The following CCDC85C variants were observed in gnomAD, a reference collection of about 807,000 sequenced individuals.
CCDC85C encodes coiled-coil domain-containing protein 85C.
A neutral mutation model predicts 38.3 loss-of-function variants in CCDC85C; 18 were observed. The ratio of observed to expected loss-of-function variants is 0.47; its 90% confidence interval spans 0.33 to 0.70. The LOEUF (loss-of-function observed/expected upper bound fraction) is 0.70. Ranked by LOEUF, CCDC85C falls within the 30% of genes least tolerant of loss-of-function variation. The probability of loss-of-function intolerance (pLI) is 0.03; values close to 1 mark genes in which losing one functional copy is unlikely to be tolerated. For missense variants in CCDC85C, 566 were observed against 621.2 expected (o/e 0.91, Z 0.94); for synonymous variants, 264 against 293.8 (o/e 0.90, Z 1.04).
chr14:99,565,080 G>A (rs939074653), intron 1 of CCDC85C, among the ~76,000 whole-genome samples: 5 of 152,222 alleles, frequency 3.3e-5, no homozygotes, highest in African/African-American at 1.2e-4. Context: ...TTGGCTTTTA[G>A]TCATGGGCCG....
At chr14:99,582,150 C>T (rs2054978823) in intron 1 of CCDC85C, among the ~76,000 whole-genome samples, 1 of 152,126 alleles carries the variant, frequency 6.6e-6, no homozygotes, top group South Asian at 2.1e-4. Flanking sequence ...TGTGTGTTTC[C>T]AAGGCTGTCC....
chr14:99,585,171 A>G (rs1387563558), intron 1 of CCDC85C, among the ~76,000 whole-genome samples: 1 of 152,220 alleles, frequency 6.6e-6, no homozygotes, highest in Non-Finnish European at 1.5e-5. Context: ...ACACATGCCG[A>G]TAACCAATAA....
rs1177083783 is a variant in CCDC85C at position 99,516,336 on chromosome 14, CG to C, written c.1072-51del. The C allele has an allele frequency of 1.5e-6, 2 of 1,378,036 alleles. No homozygotes were observed. Among genetic ancestry groups the C allele is most frequent in the African/African-American group, 1.4e-5 (1 of 69,750 alleles). The allele number at this position is 1,378,036 out of a possible 1,614,324, so 85.4% of individuals were successfully genotyped here. On this transcript the variant is annotated intron_variant, in intron 4 of 5. Coordinates refer to ENST00000380243, the MANE Select transcript of CCDC85C (RefSeq NM_001144995.2). The surrounding 1 kb of genome is among the most constrained non-coding windows in gnomAD (Gnocchi z 5.5). ...AGGGGCAGAGGCCACCGGCAGACCTCGGGCAAGTCACCTGGCCCCTGATCCT... is the reference window on the plus strand; with the variant it reads ...AGGGGCAGAGGCCACCGGCAGACCTCGGCAAGTCACCTGGCCCCTGATCCT...
At chr14:99,536,353 G>A (rs868344946) in intron 1 of CCDC85C, among the ~76,000 whole-genome samples, 17 of 152,192 alleles carry the variant, frequency 1.1e-4, no homozygotes, top group African/African-American at 2.2e-4. Context: ...TGCTGCCCTC[G>A]CTGTGGGCCT....
chr14:99,587,879 A>G (rs1209895798), intron 1 of CCDC85C, among the ~76,000 whole-genome samples: 1 of 152,208 alleles, frequency 6.6e-6, no homozygotes, highest in Non-Finnish European at 1.5e-5. Flanking sequence ...CCCACATCAC[A>G]GCCAGCCACA....
intron 1 of CCDC85C, among the ~76,000 whole-genome samples, chr14:99,578,605 C>T (rs1391602925): frequency 1.3e-5 from 2 of 152,234 alleles, no homozygotes; most frequent in African/African-American, 4.8e-5. Context: ...CCACAGCCTG[C>T]ACCCTCCTCT....
Position 99,509,845 on chromosome 14 carries a change from A to G in CCDC85C, c.*5401T>C. 4.6e-6 allele frequency: 2 copies of G among 430,640 alleles called. No individual in the cohort carries two copies. The highest frequency in any genetic ancestry group is 7.3e-5 in the South Asian group (2 of 27,452). The allele number at this position is 430,640 out of a possible 1,614,324, so 26.7% of individuals were successfully genotyped here. Reference sequence around the variant, plus strand: ...GAGGAGCCCCCACACGTTTTGCACTAGGAAGAGGGGGCTGGGGCCAGGGCA... The same window carrying G: ...GAGGAGCCCCCACACGTTTTGCACTGGGAAGAGGGGGCTGGGGCCAGGGCA... On this transcript the variant is annotated 3_prime_UTR_variant, in exon 6 of 6. Coordinates refer to ENST00000380243, the MANE Select transcript of CCDC85C (RefSeq NM_001144995.2).
chr14:99,540,415 G>A (rs1485165216), intron 1 of CCDC85C, among the ~76,000 whole-genome samples: 1 of 152,106 alleles, frequency 6.6e-6, no homozygotes, highest in Non-Finnish European at 1.5e-5. Flanking sequence ...GGGAAGGGCC[G>A]GCTCCCCGGG....
Position 99,503,122 on chromosome 14 carries a change from T to TTG in CCDC85C, c.*12122_*12123dup. On this transcript the variant is annotated 3_prime_UTR_variant, in exon 6 of 6. Transcript: ENST00000380243. ...TCGCCGAAACTCGCAGTCCGACTGC[T>TTG]TGTCGGTGGGGAGCCTGAAAACAAA... 2 of 993,696 alleles carry TTG rather than the reference T, an allele frequency of 2.0e-6. No homozygotes were observed. The highest frequency in any genetic ancestry group is 2.6e-5 in the South Asian group (2 of 76,984). The allele number at this position is 993,696 out of a possible 1,614,324, so 61.6% of individuals were successfully genotyped here.
At chr14:99,526,726 T>C (rs1046700072) in intron 2 of CCDC85C, among the ~76,000 whole-genome samples, 4 of 152,066 alleles carry the variant, frequency 2.6e-5, no homozygotes, top group Non-Finnish European at 4.4e-5. Flanking sequence ...ATGGTCTGGG[T>C]GCCGAGTAAT....
Position 99,503,452 on chromosome 14 carries a change from T to A in CCDC85C, c.*11794A>T. The A allele has an allele frequency of 3.2e-6, 2 of 625,214 alleles. No individual in the cohort carries two copies. The highest frequency in any genetic ancestry group is 5.7e-6 in the Non-Finnish European group (2 of 349,798). 38.7% of individuals were successfully genotyped at this position (625,214 alleles called of 1,614,324 possible). ...GGAGCAGAAATGATGATCTGGTAGGTGCCGTGGTTTGCCCTGAAAGTTCAG... is the reference window on the plus strand; with the variant it reads ...GGAGCAGAAATGATGATCTGGTAGGAGCCGTGGTTTGCCCTGAAAGTTCAG... On this transcript the variant is annotated 3_prime_UTR_variant, in exon 6 of 6. Transcript: ENST00000380243.
intron 1 of CCDC85C, among the ~76,000 whole-genome samples, chr14:99,597,836 G>T (rs774552525): frequency 6.6e-6 from 1 of 152,192 alleles, no homozygotes; most frequent in Non-Finnish European, 1.5e-5. Context: ...TGTGTCAGGG[G>T]ATCTCCCACT....
At position 99,569,626 on chromosome 14, in the gene CCDC85C, G is replaced by A. The variant is rs1898293714; in HGVS notation, c.794-33538C>T. Among the ~76,000 whole-genome samples, 1 of 152,142 alleles carries A rather than the reference G, an allele frequency of 6.6e-6. No individual in the cohort carries two copies. The highest frequency in any genetic ancestry group is 1.5e-5 in the Non-Finnish European group (1 of 68,030). On this transcript the variant is annotated intron_variant, in intron 1 of 5. Coordinates refer to ENST00000380243, the MANE Select transcript of CCDC85C (RefSeq NM_001144995.2). This position sits in a 1 kb window ranked among gnomAD's most constrained non-coding sequence, Gnocchi z 4.3. The stretch of plus-strand genomic sequence containing the variant: ...CTCCAGAGCCAAGAGCTGAACCCAG[G>A]CACATCCAGCCTCAAACCTGGATCC...
At chr14:99,517,330 G>A (rs892268183) in intron 3 of CCDC85C, 147 bp from the exon 4 acceptor site, 17 of 651,088 alleles carry the variant, frequency 2.6e-5, no homozygotes, top group Non-Finnish European at 3.7e-5. Context: ...GCAGGTGTGA[G>A]GATGGAGACC....
intron 1 of CCDC85C, among the ~76,000 whole-genome samples, chr14:99,584,847 G>A (rs1238938485): frequency 6.6e-6 from 1 of 152,224 alleles, no homozygotes; most frequent in South Asian, 2.1e-4. Context: ...CCAGCACTTT[G>A]GGAGGCTGAG....
chr14:99,559,698 G>A (rs1248918772), intron 1 of CCDC85C, among the ~76,000 whole-genome samples: 1 of 152,188 alleles, frequency 6.6e-6, no homozygotes, highest in Non-Finnish European at 1.5e-5. Flanking sequence ...AGCAGCCGAG[G>A]AGCTGTTAAG....
intron 2 of CCDC85C, among the ~76,000 whole-genome samples, chr14:99,528,423 A>T (rs1897430041): frequency 6.6e-6 from 1 of 152,198 alleles, no homozygotes; most frequent in African/African-American, 2.4e-5. Context: ...AGGCGACTCC[A>T]GGAGCTCCAC....
chr14:99,568,596 C>G (rs1898271100), intron 1 of CCDC85C, among the ~76,000 whole-genome samples: 1 of 152,166 alleles, frequency 6.6e-6, no homozygotes, highest in African/African-American at 2.4e-5. Flanking sequence ...GCCGCTGGAC[C>G]CAGTGCCAAC....
intron 1 of CCDC85C, among the ~76,000 whole-genome samples, chr14:99,536,843 C>T (rs182269497): frequency 8.3e-4 from 127 of 152,252 alleles, no homozygotes; most frequent in African/African-American, 3.0e-3. Context: ...CAGGAAAACA[C>T]AAAAAAATCC....
Sources: gnomAD v4.1 joint callset for allele counts (sites outside exome capture counted in the v4.1 genomes callset) on GRCh38, gnomAD v4.1.1 for gene constraint, Gnocchi (gnomAD v3.1) non-coding constraint, MANE v1.5 for transcripts, NCBI Gene and HGNC (gene_info 2026-07-23, HGNC 2026-07-21) for gene names.